Variants in PHC2 observed in about 807,000 individuals in gnomAD.
PHC2 encodes polyhomeotic-like protein 2.
Under a neutral mutation model 87.4 loss-of-function variants are expected in PHC2, and 29 were observed. The observed-to-expected ratio is 0.33, with a 90% CI of 0.25 to 0.45. PHC2 has a LOEUF of 0.45. PHC2 is among the 20% of genes least tolerant of loss of function. The pLI is 1.00. For synonymous variants in PHC2, 438 were observed against 461.7 expected, an observed-to-expected ratio of 0.95 and a Z score of 0.66; for missense variants, 857 against 1,136.7, an observed-to-expected ratio of 0.75 and a Z score of 3.54.
intron 1 of PHC2, among the ~76,000 whole-genome samples, chr1:33,411,430 A>G (rs1158117149): frequency 6.6e-6 from 1 of 151,892 alleles, no homozygotes; most frequent in African/African-American, 2.4e-5. Context: ...ACAGAGAAAC[A>G]TACTGGAACA....
At chr1:33,340,127 G>A (rs923964142) in intron 9 of PHC2, among the ~76,000 whole-genome samples, 2 of 152,196 alleles carry the variant, frequency 1.3e-5, no homozygotes, top group African/African-American at 4.8e-5. Flanking sequence ...TCATGAGAAG[G>A]GAGTATGTAT....
intron 7 of PHC2, among the ~76,000 whole-genome samples, chr1:33,359,287 C>T (rs1418168086): frequency 1.3e-5 from 2 of 152,168 alleles, no homozygotes; most frequent in East Asian, 1.9e-4. Flanking sequence ...ATGCAGGAAA[C>T]GACTCACTGT....
chr1:33,347,881 C>T (rs1443445704), intron 9 of PHC2: 5 of 210,306 alleles, frequency 2.4e-5, no homozygotes, highest in African/African-American at 7.1e-5. Context: ...CCCCAGTTCC[C>T]GCCTTGCAGG....
intron 1 of PHC2, among the ~76,000 whole-genome samples, chr1:33,384,129 T>A (rs1648626276): frequency 6.6e-6 from 1 of 152,222 alleles, no homozygotes; most frequent in African/African-American, 2.4e-5. Flanking sequence ...CTCGTTAATA[T>A]CATGGCTTTG....
At position 33,332,230 on chromosome 1, in the gene PHC2, C is replaced by T. The variant is rs1335164800; in HGVS notation, c.1891+45G>A. ...AGGAAGTGTGTGAGGCCTGCCTTTCCAGCCACGCTGGGAGGCCGAGAGATT... is the reference window on the plus strand; with the variant it reads ...AGGAAGTGTGTGAGGCCTGCCTTTCTAGCCACGCTGGGAGGCCGAGAGATT... On this transcript the variant is annotated intron_variant, in intron 11 of 14. Transcript: ENST00000683057. The surrounding 1 kb of genome is among the most constrained non-coding windows in gnomAD (Gnocchi z 4.2). The T allele has an allele frequency of 5.0e-6, 8 of 1,612,300 alleles. No homozygotes were observed. Among genetic ancestry groups the T allele is most frequent in the Non-Finnish European group, 5.9e-6 (7 of 1,178,694 alleles).
At chr1:33,351,576 G>C (rs1016544702) in intron 9 of PHC2, among the ~76,000 whole-genome samples, 2 of 152,060 alleles carry the variant, frequency 1.3e-5, no homozygotes, top group African/African-American at 4.8e-5. Flanking sequence ...TAGACCTTCA[G>C]CTCTTGAGGT....
At chr1:33,333,949 C>G in intron 10 of PHC2, 141 bp downstream of exon 10, 1 of 729,228 alleles carries the variant, frequency 1.4e-6, no homozygotes, top group Non-Finnish European at 2.3e-6. Flanking sequence ...AGAAATGGCT[C>G]TATATTCTTT....
intron 1 of PHC2, among the ~76,000 whole-genome samples, chr1:33,417,523 GC>G (rs143323109): frequency 0.48 from 72,614 of 151,424 alleles, 18,711 homozygotes; most frequent in South Asian, 0.62. Context: ...AAGGAATATT[GC>G]CAGAAAAAAG....
chr1:33,380,970 C>T (rs996723345), intron 1 of PHC2, among the ~76,000 whole-genome samples: 11 of 152,146 alleles, frequency 7.2e-5, no homozygotes, highest in African/African-American at 2.4e-4. Context: ...TGGTTTTTAC[C>T]GCTGTGGTTT....
intron 12 of PHC2, among the ~76,000 whole-genome samples, chr1:33,330,461 T>C (rs939674655): frequency 6.6e-6 from 1 of 152,232 alleles, no homozygotes; most frequent in Non-Finnish European, 1.5e-5. Context: ...CATGAGATAA[T>C]GTCTGTAAAA....
chr1:33,352,769 C>T (rs184456995), intron 9 of PHC2, among the ~76,000 whole-genome samples: 53 of 152,280 alleles, frequency 3.5e-4, no homozygotes, highest in African/African-American at 1.2e-3. Context: ...TCACGGGGGC[C>T]ATTCGTGCAC....
In PHC2 at chr1:33,328,869, C is replaced by A; in HGVS notation, c.2425+1G>T. The stretch of plus-strand genomic sequence containing the variant: ...AGACATGGAATTTCCAAGGGCCTTA[C>A]CTGGCAGAGAGCGGATGAATTCGTA... On this transcript the variant is annotated splice_donor_variant, in intron 14 of 14. Transcript: ENST00000683057. LOFTEE classifies it high-confidence loss of function. 1 of 1,602,506 alleles carries A rather than the reference C, an allele frequency of 6.2e-7. No individual in the cohort carries two copies. The highest frequency in any genetic ancestry group is 1.1e-5 in the South Asian group (1 of 90,860).
In PHC2 at chr1:33,349,418, G is replaced by T; in HGVS notation, c.1558+4983C>A. ...CGCGCAGGGTCCCCAGGCGAGCGAGGCTGGGGAGCAGGGCACCTCCCAGGC... is the reference window on the plus strand; with the variant it reads ...CGCGCAGGGTCCCCAGGCGAGCGAGTCTGGGGAGCAGGGCACCTCCCAGGC... On this transcript the variant is annotated intron_variant, in intron 9 of 14. Coordinates refer to ENST00000683057, the MANE Select transcript of PHC2 (RefSeq NM_001385109.1). This position sits in a 1 kb window ranked among gnomAD's most constrained non-coding sequence, Gnocchi z 4.2. The T allele has an allele frequency of 1.0e-6, 1 of 985,262 alleles. No homozygotes were observed. The highest frequency in any genetic ancestry group is 1.2e-6 in the Non-Finnish European group (1 of 829,840). 61.0% of individuals were successfully genotyped at this position (985,262 alleles called of 1,614,324 possible). A position where few individuals can be genotyped will look rare whatever the true frequency, so the allele number is the denominator to read the frequency against.
At chr1:33,377,263 T>C (rs1041690133) in intron 1 of PHC2, among the ~76,000 whole-genome samples, 2 of 152,256 alleles carry the variant, frequency 1.3e-5, no homozygotes, top group African/African-American at 4.8e-5. Context: ...AAGCATATCC[T>C]GTGTGCTCTG....
At chr1:33,376,452 T>A (rs4233201) in intron 1 of PHC2, among the ~76,000 whole-genome samples, 1 of 152,112 alleles carries the variant, frequency 6.6e-6, no homozygotes, top group Non-Finnish European at 1.5e-5. Flanking sequence ...CCTGTTTATT[T>A]TGCCAGAGGA....
intron 1 of PHC2, among the ~76,000 whole-genome samples, chr1:33,399,469 G>C (rs1249187618): frequency 6.6e-6 from 1 of 152,182 alleles, no homozygotes; most frequent in Non-Finnish European, 1.5e-5. Flanking sequence ...ACGTTTTCCT[G>C]TCAGATGCCA....
chr1:33,375,177 CCTT>C (rs1193669844), intron 2 of PHC2, among the ~76,000 whole-genome samples, 186 bp downstream of exon 2: 1 of 152,146 alleles, frequency 6.6e-6, no homozygotes, highest in Non-Finnish European at 1.5e-5. Context: ...CCTCCAAACT[CCTT>C]GATTGGGCCA....
intron 1 of PHC2, among the ~76,000 whole-genome samples, chr1:33,396,331 A>C (rs1046549598): frequency 6.6e-6 from 1 of 151,646 alleles, no homozygotes; most frequent in Non-Finnish European, 1.5e-5. Context: ...CTGAATGGAC[A>C]GTTGATTTTA....
In PHC2 at chr1:33,334,403, G is replaced by T. The variant is rs1570449607; in HGVS notation, c.1559-111C>A. ...CGCCCGGCTTTTACCGTGGGGCCAAGCGACAATGCAAACCAAGCAGTCCCC... is the reference window on the plus strand; with the variant it reads ...CGCCCGGCTTTTACCGTGGGGCCAATCGACAATGCAAACCAAGCAGTCCCC... On this transcript the variant is annotated intron_variant, in intron 9 of 14. Transcript: ENST00000683057. This position sits in a 1 kb window ranked among gnomAD's most constrained non-coding sequence, Gnocchi z 5.5. 2 of 917,600 alleles carry T rather than the reference G, an allele frequency of 2.2e-6. No homozygotes were observed. Among genetic ancestry groups the T allele is most frequent in the East Asian group, 5.2e-5 (2 of 38,824 alleles). 56.8% of individuals were successfully genotyped at this position (917,600 alleles called of 1,614,324 possible).
Sources: gnomAD v4.1 joint callset for allele counts (sites outside exome capture counted in the v4.1 genomes callset) on GRCh38, gnomAD v4.1.1 for gene constraint, Gnocchi (gnomAD v3.1) non-coding constraint, MANE v1.5 for transcripts, NCBI Gene and HGNC (gene_info 2026-07-23, HGNC 2026-07-21) for gene names.